The following KIFBP variants were observed in gnomAD, a reference collection of about 807,000 sequenced individuals.
KIFBP encodes KIF-binding protein.
A neutral mutation model predicts 58.9 loss-of-function variants in KIFBP; 46 were observed. The observed-to-expected ratio is 0.78, with a 90% CI of 0.62 to 1.00. The LOEUF is 1.00. Among genes scored for constraint, KIFBP ranks in the 50% least tolerant of loss-of-function variants. The pLI, the probability that KIFBP is intolerant of heterozygous loss-of-function variation, is 0.00. For synonymous variants in KIFBP, 241 were observed against 283.4 expected, an observed-to-expected ratio of 0.85 and a Z score of 1.50; for missense variants, 651 against 752.9, an observed-to-expected ratio of 0.86 and a Z score of 1.58.
At chr10:68,998,290 A>G (rs533904344) in intron 1 of KIFBP, among the ~76,000 whole-genome samples, 2 of 152,306 alleles carry the variant, frequency 1.3e-5, no homozygotes, top group South Asian at 4.1e-4. Context: ...ATAGTAATAT[A>G]TATGCTTCTT....
At position 68,994,362 on chromosome 10, in the gene KIFBP, G is replaced by T. The variant is rs563971577; in HGVS notation, c.426+5104G>T. Among the ~76,000 whole-genome samples the T allele has an allele frequency of 7.9e-3, 1,200 of 152,162 alleles. 20 individuals carry two copies. The highest frequency in any genetic ancestry group is 0.027 in the African/African-American group (1,124 of 41,502). On this transcript the variant is annotated intron_variant, in intron 1 of 6. Transcript: ENST00000361983. ...AAGAGTTTTGCAAGTATCAGTTAATGGGAATTCATGATATTCTAACTGCTT... is the reference window on the plus strand; with the variant it reads ...AAGAGTTTTGCAAGTATCAGTTAATTGGAATTCATGATATTCTAACTGCTT...
Position 68,992,097 on chromosome 10 carries a change from G to A in KIFBP, c.426+2839G>A, listed in dbSNP as rs549895249. On this transcript the variant is annotated intron_variant, in intron 1 of 6. Coordinates refer to ENST00000361983, the MANE Select transcript of KIFBP (RefSeq NM_015634.4). The stretch of plus-strand genomic sequence containing the variant: ...CAACTTCCACCCTCCTGGCTTAAGC[G>A]ATCCTTCCACCTCAGCCTCCCAAAT... 4.8e-4 allele frequency among the ~76,000 whole-genome samples: 73 copies of A among 151,930 alleles called. No individual in the cohort carries two copies. In the East Asian group the frequency reaches 9.7e-3, roughly 20 times the overall value.
intron 2 of KIFBP, among the ~76,000 whole-genome samples, chr10:69,004,219 CA>C (rs1164355898): frequency 0.39 from 31,017 of 79,720 alleles, 2,877 homozygotes; most frequent in Non-Finnish European, 0.44. Flanking sequence ...ACTCCATCTC[CA>C]AAAAAAAAAA....
At chr10:68,999,501 A>G (rs942335812) in intron 1 of KIFBP, among the ~76,000 whole-genome samples, 1 of 151,886 alleles carries the variant, frequency 6.6e-6, no homozygotes, top group Admixed American at 6.6e-5. Context: ...GAATCTCACC[A>G]TGGCTTAGCT....
Sources: allele counts gnomAD v4.1 joint callset (sites outside exome capture counted in the v4.1 genomes callset), GRCh38; gene constraint gnomAD v4.1.1; transcripts MANE v1.5; gene names NCBI Gene and HGNC (gene_info 2026-07-23, HGNC 2026-07-21).